The following LYPLA1 variants were observed in gnomAD, a reference collection of about 807,000 sequenced individuals.
LYPLA1 encodes the protein acyl-protein thioesterase 1.
In LYPLA1, 17 loss-of-function variants were observed where a neutral mutation model predicts 34.0. The ratio of observed to expected loss-of-function variants is 0.50; its 90% CI spans 0.34 to 0.75. The LOEUF (loss-of-function observed/expected upper bound fraction) is 0.75. Among genes scored for constraint, LYPLA1 ranks in the 30% least tolerant of loss-of-function variants. The pLI, the probability that LYPLA1 is intolerant of heterozygous loss-of-function variation, is 0.01. For synonymous variants in LYPLA1, 98 were observed against 100.8 expected, an observed-to-expected ratio of 0.97 and a Z score of 0.17; for missense variants, 203 against 288.8, an observed-to-expected ratio of 0.70 and a Z score of 2.15.
intron 2 of LYPLA1, among the ~76,000 whole-genome samples, chr8:54,088,795 T>C (rs1808988373): frequency 1.3e-5 from 2 of 152,196 alleles, no homozygotes; most frequent in South Asian, 2.1e-4. Flanking sequence ...CAGGCTAGAC[T>C]TGAACTCCTG....
intron 2 of LYPLA1, chr8:54,073,649 T>C: frequency 2.3e-6 from 1 of 442,470 alleles, no homozygotes; most frequent in Non-Finnish European, 4.1e-6. Flanking sequence ...TGCTACAATG[T>C]CCTAACAGAA....
At chr8:54,082,978 G>A (rs1198328495) in intron 2 of LYPLA1, among the ~76,000 whole-genome samples, 4 of 152,044 alleles carry the variant, frequency 2.6e-5, no homozygotes, top group Admixed American at 1.3e-4. Flanking sequence ...CGCCCGCCTC[G>A]GCTTCCCAAA....
At chr8:54,070,727 AAAG>A (rs1807397944) in intron 2 of LYPLA1, among the ~76,000 whole-genome samples, 1 of 152,176 alleles carries the variant, frequency 6.6e-6, no homozygotes, top group Admixed American at 6.5e-5. Flanking sequence ...CATCTCAAAT[AAAG>A]AATAAAATAA....
At chr8:54,065,609 T>C in intron 3 of LYPLA1, 139 bp downstream of exon 3, 1 of 522,420 alleles carries the variant, frequency 1.9e-6, no homozygotes, top group Non-Finnish European at 3.2e-6. Context: ...TTTTAAGGAA[T>C]TCTACTAATC....
At chr8:54,098,715 T>C (rs778578558) in intron 2 of LYPLA1, among the ~76,000 whole-genome samples, 9 of 152,168 alleles carry the variant, frequency 5.9e-5, no homozygotes, top group Non-Finnish European at 1.2e-4. Flanking sequence ...AAAAGAATGG[T>C]GTACAATTTT....
chr8:54,070,658 G>C (rs992146776), intron 2 of LYPLA1, among the ~76,000 whole-genome samples: 12 of 152,162 alleles, frequency 7.9e-5, no homozygotes, highest in African/African-American at 2.9e-4. Flanking sequence ...GGGAGGAGGA[G>C]GTTGCAGTGA....
chr8:54,053,791 A>G (rs1235080714), intron 6 of LYPLA1: 3 of 453,620 alleles, frequency 6.6e-6, no homozygotes, highest in Non-Finnish European at 1.3e-5. Context: ...GATGGTGAGC[A>G]AGGCCCAACT....
At chr8:54,068,496 G>A (rs756993311) in intron 2 of LYPLA1, among the ~76,000 whole-genome samples, 1 of 152,166 alleles carries the variant, frequency 6.6e-6, no homozygotes, top group Non-Finnish European at 1.5e-5. Context: ...AGAAAGACTA[G>A]TACTAGAGTA....
rs180676847 is a variant in LYPLA1, at chr8:54,099,882, C to T, written c.101+1026G>A. ...TATTTTTAGTAGAGATGGGGTTTCACCATATTGGCCAAGCTGGTGTCGAAC... is the reference window on the plus strand; with the variant it reads ...TATTTTTAGTAGAGATGGGGTTTCATCATATTGGCCAAGCTGGTGTCGAAC... On this transcript the variant is annotated intron_variant, in intron 2 of 8. Coordinates refer to ENST00000316963, the MANE Select transcript of LYPLA1 (RefSeq NM_006330.4). Among the ~76,000 whole-genome samples, 776 of 152,120 alleles carry T rather than the reference C, an allele frequency of 5.1e-3. 3 individuals are homozygous for T. The highest frequency in any genetic ancestry group is 8.3e-3 in the South Asian group (40 of 4,818).
At chr8:54,096,781 C>G (rs531764318) in intron 2 of LYPLA1, among the ~76,000 whole-genome samples, 154 of 151,444 alleles carry the variant, frequency 1.0e-3, no homozygotes, top group Non-Finnish European at 1.9e-3. Flanking sequence ...TGGCGGCACG[C>G]ACCTATAGTC....
chr8:54,086,137 G>A (rs1007935086), intron 2 of LYPLA1, among the ~76,000 whole-genome samples: 25 of 152,028 alleles, frequency 1.6e-4, no homozygotes, highest in East Asian at 7.7e-4. Flanking sequence ...CCCCAACCCC[G>A]TGCTCTCTGA....
Position 54,055,077 on chromosome 8 carries a change from A to C in LYPLA1, c.343T>G (p.Leu115Val). 1.9e-5 allele frequency: 30 copies of C among 1,607,706 alleles called. No individual in the cohort carries two copies. The highest frequency in any genetic ancestry group is 2.4e-5 in the Non-Finnish European group (28 of 1,174,876). The change falls in exon 6 of 9, where the codon TTG (leucine) becomes GTG (valine). Residue 115 changes from leucine to valine, a missense_variant. Transcript: ENST00000316963. ...KNGIPSNRII[L>V]GGFSQGGALS... Reference sequence around the variant, plus strand: ...TATCTTACCTGAGAAAACCCTCCCAAAATAATTCTGTTAGAAGGAATGCCA... The same window carrying C: ...TATCTTACCTGAGAAAACCCTCCCACAATAATTCTGTTAGAAGGAATGCCA...
chr8:54,062,222 CTT>C, intron 5 of LYPLA1, 30 bp downstream of exon 5: 2 of 1,428,068 alleles, frequency 1.4e-6, no homozygotes, highest in South Asian at 1.2e-5. Flanking sequence ...TTTAAGAACA[CTT>C]TTGGCTTTAT....
intron 5 of LYPLA1, among the ~76,000 whole-genome samples, chr8:54,058,806 T>C (rs540544476): frequency 2.0e-5 from 3 of 151,998 alleles, no homozygotes; most frequent in South Asian, 2.1e-4. Context: ...TGGGCTCAAG[T>C]GATCCTCCTG....
Position 54,094,998 on chromosome 8 carries a change from C to G in LYPLA1, c.101+5910G>C, listed in dbSNP as rs1262388169. On this transcript the variant is annotated intron_variant, in intron 2 of 8. Transcript: ENST00000316963. ...AAGGAGAAAGGAAAGCTCTACCCCACAGTAGACTGCTAAATAATAAATCCA... is the reference window on the plus strand; with the variant it reads ...AAGGAGAAAGGAAAGCTCTACCCCAGAGTAGACTGCTAAATAATAAATCCA... 2.0e-5 allele frequency among the ~76,000 whole-genome samples: 3 copies of G among 152,016 alleles called. No homozygotes were observed. In the East Asian group the frequency reaches 5.8e-4, roughly 29 times the overall value.
chr8:54,043,718 C>T (rs1328877446), downstream of LYPLA1, among the ~76,000 whole-genome samples: 1 of 151,458 alleles, frequency 6.6e-6, no homozygotes, highest in East Asian at 2.0e-4. Context: ...TGTGCTATCA[C>T]TCCCGGCTAA....
At chr8:54,069,180 A>G (rs1395331647) in intron 2 of LYPLA1, among the ~76,000 whole-genome samples, 1 of 152,320 alleles carries the variant, frequency 6.6e-6, no homozygotes, top group Non-Finnish European at 1.5e-5. Flanking sequence ...GGTGTTCTGT[A>G]GCACTGTTGA....
At chr8:54,055,878 A>T (rs1244244322) in intron 5 of LYPLA1, among the ~76,000 whole-genome samples, 3 of 152,010 alleles carry the variant, frequency 2.0e-5, no homozygotes, top group Non-Finnish European at 1.5e-5. Flanking sequence ...CCTGAACTCG[A>T]GATCCGCCCG....
chr8:54,044,392 A>G (rs146498941), downstream of LYPLA1, among the ~76,000 whole-genome samples: 4 of 152,304 alleles, frequency 2.6e-5, no homozygotes, highest in African/African-American at 9.6e-5. Context: ...AAGCCAGTCC[A>G]GGGAGATTCT....
Sources: gnomAD v4.1 joint callset for allele counts (sites outside exome capture counted in the v4.1 genomes callset) on GRCh38, gnomAD v4.1.1 for gene constraint, MANE v1.5 for transcripts, NCBI Gene and HGNC (gene_info 2026-07-23, HGNC 2026-07-21) for gene names.